Variants in MYH9 observed in about 807,000 individuals in gnomAD.
The protein encoded by MYH9 is myosin heavy chain 9.
Under a neutral mutation model 241.9 loss-of-function variants are expected in MYH9, and 29 were observed. The observed-to-expected ratio is 0.12, with a 90% CI of 0.09 to 0.16. The LOEUF (loss-of-function observed/expected upper bound fraction) is 0.16. MYH9 is among the 10% of genes least tolerant of loss of function. MYH9 has a pLI of 1.00. For missense variants in MYH9, 1,803 were observed against 2,595.5 expected, an observed-to-expected ratio of 0.69 and a Z score of 6.63; for synonymous variants, 1,047 against 1,062.6, an observed-to-expected ratio of 0.99 and a Z score of 0.29.
At chr22:36,292,676 C>T (rs1324771522) in intron 30 of MYH9, among the ~76,000 whole-genome samples, 1 of 152,226 alleles carries the variant, frequency 6.6e-6, no homozygotes, top group African/African-American at 2.4e-5. Flanking sequence ...CAGCCCATCC[C>T]GAGGTGGTTC....
intron 3 of MYH9, among the ~76,000 whole-genome samples, chr22:36,339,168 G>A (rs2017545202): frequency 6.6e-6 from 1 of 152,204 alleles, no homozygotes; most frequent in Non-Finnish European, 1.5e-5. Context: ...CAGATCTGAA[G>A]ACTGTCTCCT....
chr22:36,345,054 T>C lies in MYH9; in HGVS notation c.334-3528A>G, dbSNP rs556143910. 2.6e-3 allele frequency among the ~76,000 whole-genome samples: 391 copies of C among 152,304 alleles called. 1 individual carries two copies. Among genetic ancestry groups the C allele is most frequent in the African/African-American group, 8.9e-3 (371 of 41,570 alleles). On this transcript the variant is annotated intron_variant, in intron 2 of 40. Coordinates refer to ENST00000216181, the MANE Select transcript of MYH9 (RefSeq NM_002473.6). ...GATGCCGGGTGTGGTGGCTCACGCC[T>C]GTAATCCCAGCACTTTGGGAGGCCG...
chr22:36,333,036 G>A (rs1044255895), intron 3 of MYH9, among the ~76,000 whole-genome samples: 8 of 152,188 alleles, frequency 5.3e-5, no homozygotes, highest in Admixed American at 2.6e-4. Flanking sequence ...CAAAGCAGGA[G>A]GGGCCCCTGT....
chr22:36,309,232 T>C (rs750095675), intron 15 of MYH9, 50 bp downstream of exon 15: 1 of 1,509,204 alleles, frequency 6.6e-7, no homozygotes, highest in South Asian at 1.1e-5. Context: ...GGTGGGAAGA[T>C]GACCAGCCGC....
chr22:36,307,935 C>T (rs1260283987), intron 15 of MYH9, among the ~76,000 whole-genome samples: 1 of 151,718 alleles, frequency 6.6e-6, no homozygotes, highest in Non-Finnish European at 1.5e-5. Context: ...GTACCCACCA[C>T]AGGGTCAATA....
In MYH9 at chr22:36,293,699, C is replaced by A. The variant is rs1002549685; in HGVS notation, c.3942+60G>T. 2 of 1,467,968 alleles carry A rather than the reference C, an allele frequency of 1.4e-6. No homozygotes were observed. The highest frequency in any genetic ancestry group is 9.5e-7 in the Non-Finnish European group (1 of 1,055,414). 90.9% of individuals were successfully genotyped at this position (1,467,968 alleles called of 1,614,324 possible). On this transcript the variant is annotated intron_variant, in intron 29 of 40. Coordinates refer to ENST00000216181, the MANE Select transcript of MYH9 (RefSeq NM_002473.6). This position sits in a 1 kb window ranked among gnomAD's most constrained non-coding sequence, Gnocchi z 5.1. ...CCGATGGGCTCTGAAGCTAATGTTGCGTGGACACAGAGGCCTTTCTGGAGG... is the reference window on the plus strand; with the variant it reads ...CCGATGGGCTCTGAAGCTAATGTTGAGTGGACACAGAGGCCTTTCTGGAGG...
At chr22:36,384,622 A>G (rs1476831700) in intron 1 of MYH9, among the ~76,000 whole-genome samples, 5 of 29,978 alleles carry the variant, frequency 1.7e-4, no homozygotes, top group African/African-American at 5.1e-4. Flanking sequence ...ATATATATAT[A>G]TATATATATA....
At chr22:36,370,581 A>G (rs571606360) in intron 1 of MYH9, among the ~76,000 whole-genome samples, 111 of 152,388 alleles carry the variant, frequency 7.3e-4, no homozygotes, top group African/African-American at 2.6e-3. Flanking sequence ...CACTCGGGCC[A>G]GTACCTGGGA....
chr22:36,358,221 C>T (rs1286351373), intron 1 of MYH9, among the ~76,000 whole-genome samples: 3 of 152,194 alleles, frequency 2.0e-5, no homozygotes, highest in South Asian at 2.1e-4. Flanking sequence ...CACACCGCCA[C>T]ACCCGGCTAA....
At chr22:36,314,424 T>C (rs1172280734) in intron 12 of MYH9, 106 bp from the exon 13 acceptor site, 5 of 1,385,070 alleles carry the variant, frequency 3.6e-6, no homozygotes, top group Non-Finnish European at 5.0e-6. Context: ...AGGGCCTCCT[T>C]GGGCACCTCC....
intron 1 of MYH9, among the ~76,000 whole-genome samples, chr22:36,361,573 T>C (rs539585095): frequency 1.3e-5 from 2 of 150,094 alleles, no homozygotes; most frequent in African/African-American, 4.9e-5. Context: ...CAATTTCTTT[T>C]AAAAAAAAAA....
intron 11 of MYH9, among the ~76,000 whole-genome samples, chr22:36,317,344 A>G (rs970256345): frequency 8.6e-4 from 131 of 152,052 alleles, no homozygotes; most frequent in African/African-American, 3.1e-3. Context: ...GAGCTGCCCA[A>G]TGATATTCAT....
rs1267446252 is a variant in MYH9 at position 36,295,618 on chromosome 22, A to G, written c.3372T>C (p.Arg1124=). 6.2e-7 allele frequency: 1 copy of G among 1,613,982 alleles called. No individual in the cohort carries two copies. Among genetic ancestry groups the G allele is most frequent in the East Asian group, 2.2e-5 (1 of 44,882 alleles). ...SELQEDLESE[R]ASRNKAEKQK... ...GCTTCTCAGCTTTATTCCTGGAAGC[A>G]CGCTCAGACTCCAGGTCTTCCTGGA... Residue 1124 remains arginine (R), a synonymous_variant, in exon 26 of 41, where the codon CGT becomes CGC. Coordinates refer to ENST00000216181, the MANE Select transcript of MYH9 (RefSeq NM_002473.6). This position sits in a 1 kb window ranked among gnomAD's most constrained non-coding sequence, Gnocchi z 4.1.
In MYH9 at chr22:36,282,594, C is replaced by T. The variant is rs886057477; in HGVS notation, c.*74G>A. 58 of 1,345,704 alleles carry T rather than the reference C, an allele frequency of 4.3e-5. No individual in the cohort carries two copies. Among genetic ancestry groups the T allele is most frequent in the African/African-American group, 8.6e-5 (6 of 69,642 alleles). 83.4% of individuals were successfully genotyped at this position (1,345,704 alleles called of 1,614,324 possible). On this transcript the variant is annotated 3_prime_UTR_variant, in exon 41 of 41. Transcript: ENST00000216181. ...GCAGTCCCAAGAAGGTGGGGAGAGG[C>T]GTGCTGCGGGGTCTGGGAAGGGGAG... is the stretch of plus-strand genomic sequence containing the variant.
intron 24 of MYH9, 112 bp downstream of exon 24, chr22:36,298,807 C>T: frequency 6.6e-7 from 1 of 1,523,360 alleles, no homozygotes; most frequent in Non-Finnish European, 9.0e-7. Context: ...GTGACCCAGG[C>T]TCACCCGTGA....
chr22:36,305,086 G>C lies in MYH9; in HGVS notation c.2176C>G (p.Pro726Ala), dbSNP rs1388737281. Residue 726 changes from proline to alanine, a missense_variant, in exon 18 of 41, where the codon CCA (proline) becomes GCA (alanine). Pro to Ala is a conservative substitution (Grantham distance 27). This residue lies in a region of MYH9 where 163 missense variants were observed against 349.7 expected (regional missense o/e 0.47). Transcript: ENST00000216181. This position sits in a 1 kb window ranked among gnomAD's most constrained non-coding sequence, Gnocchi z 4.7. ...EFRQRYEILT[P>A]NSIPKGFMDG... ...ATGAAACCCTTGGGAATGGAGTTTG[G>C]AGTCAGGATCTCATATCTGAGGAAG... 1 of 1,614,048 alleles carries C rather than the reference G, an allele frequency of 6.2e-7. No individual in the cohort carries two copies. The highest frequency in any genetic ancestry group is 2.2e-5 in the East Asian group (1 of 44,888).
chr22:36,386,663 G>A (rs918089375), intron 1 of MYH9, among the ~76,000 whole-genome samples: 1 of 152,110 alleles, frequency 6.6e-6, no homozygotes, highest in South Asian at 2.1e-4. Flanking sequence ...ACTTCCCAAG[G>A]AGTCTTCTCT....
chr22:36,372,515 A>G (rs2018104240), intron 1 of MYH9, among the ~76,000 whole-genome samples: 1 of 149,676 alleles, frequency 6.7e-6, no homozygotes, highest in South Asian at 2.1e-4. Context: ...AAAAAATGAC[A>G]GGTAATAAAA....
intron 1 of MYH9, among the ~76,000 whole-genome samples, chr22:36,354,584 C>T (rs1351957163): frequency 1.3e-5 from 2 of 151,732 alleles, no homozygotes; most frequent in African/African-American, 4.8e-5. Context: ...GCTGGGATTA[C>T]AGGCATCCGC....
Sources: allele counts gnomAD v4.1 joint callset (sites outside exome capture counted in the v4.1 genomes callset), GRCh38; gene constraint gnomAD v4.1.1; regional missense constraint gnomAD v4.1.1; non-coding constraint Gnocchi (gnomAD v3.1); transcripts MANE v1.5; gene names NCBI Gene and HGNC (gene_info 2026-07-23, HGNC 2026-07-21).